The following KCTD16 variants were observed in gnomAD, a reference collection of about 807,000 sequenced individuals.
KCTD16 encodes the protein BTB/POZ domain-containing protein KCTD16.
A neutral mutation model predicts 33.2 loss-of-function variants in KCTD16; 13 were observed. The observed-to-expected ratio is 0.39, with a 90% CI of 0.25 to 0.62. The LOEUF is 0.62. KCTD16 is among the 20% of genes least tolerant of loss of function. The pLI is 0.50. For synonymous variants in KCTD16, 197 were observed against 195.3 expected (o/e 1.01, Z -0.07); for missense variants, 441 against 525.1 (o/e 0.84, Z 1.57).
chr5:144,449,704 C>A (rs1467675621), intron 3 of KCTD16, among the ~76,000 whole-genome samples: 2 of 151,864 alleles, frequency 1.3e-5, no homozygotes, highest in African/African-American at 4.8e-5. Flanking sequence ...GTAAACTAAT[C>A]TTTGAGAAGT....
At chr5:144,357,657 T>C (rs1330929907) in intron 3 of KCTD16, among the ~76,000 whole-genome samples, 8 of 152,124 alleles carry the variant, frequency 5.3e-5, no homozygotes, top group Non-Finnish European at 8.8e-5. Context: ...TCTAAAGAAC[T>C]TCACAGAGGA....
At chr5:144,180,968 T>C (rs935054441) in intron 2 of KCTD16, among the ~76,000 whole-genome samples, 2 of 151,784 alleles carry the variant, frequency 1.3e-5, no homozygotes, top group South Asian at 4.2e-4. Context: ...AGTCTCGCTC[T>C]GTCGCCCAGG....
intron 3 of KCTD16, among the ~76,000 whole-genome samples, chr5:144,218,371 AT>A (rs1753629684): frequency 6.6e-6 from 1 of 152,066 alleles, no homozygotes; most frequent in Non-Finnish European, 1.5e-5. Context: ...TCTTTTTTGC[AT>A]TTTTTGACTT....
chr5:144,182,085 C>CA (rs371259746), intron 2 of KCTD16, among the ~76,000 whole-genome samples: 38,889 of 119,152 alleles, frequency 0.33, 5,733 homozygotes, highest in East Asian at 0.44. Flanking sequence ...AACTCCATCT[C>CA]AAAAAAAAAA....
chr5:144,410,008 G>A (rs1181404712), intron 3 of KCTD16, among the ~76,000 whole-genome samples: 2 of 152,100 alleles, frequency 1.3e-5, no homozygotes, highest in African/African-American at 4.8e-5. Flanking sequence ...TGTTACTCAG[G>A]TGAGGGTGAG....
At chr5:144,458,536 T>C (rs1333883977) in intron 3 of KCTD16, among the ~76,000 whole-genome samples, 3 of 152,184 alleles carry the variant, frequency 2.0e-5, no homozygotes, top group Admixed American at 6.5e-5. Flanking sequence ...TCTTTGGTCC[T>C]GTTGTTTAGA....
At chr5:144,176,693 C>T (rs955693907) in intron 2 of KCTD16, among the ~76,000 whole-genome samples, 1 of 152,110 alleles carries the variant, frequency 6.6e-6, no homozygotes, top group African/African-American at 2.4e-5. Flanking sequence ...TGAGCCACCG[C>T]GCCCGGCCAA....
chr5:144,243,514 A>G (rs940452193), intron 3 of KCTD16, among the ~76,000 whole-genome samples: 1 of 152,038 alleles, frequency 6.6e-6, no homozygotes, highest in Non-Finnish European at 1.5e-5. Flanking sequence ...TCTTTTTGTT[A>G]TCCTTTTTTC....
intron 3 of KCTD16, among the ~76,000 whole-genome samples, chr5:144,299,127 TATATATATATATATATATA>T (rs1561558653): frequency 3.1e-4 from 8 of 26,194 alleles, no homozygotes; most frequent in Admixed American, 4.0e-4. Flanking sequence ...TATATATATA[TATATATATATATATATATA>T]TATTTTTTTT....
chr5:144,252,877 T>A (rs1754740138), intron 3 of KCTD16, among the ~76,000 whole-genome samples: 1 of 151,630 alleles, frequency 6.6e-6, no homozygotes, highest in African/African-American at 2.4e-5. Flanking sequence ...TTGTTTTTTT[T>A]TCTCTCATCT....
rs70995051 is a variant in KCTD16, at chr5:144,459,824, CTTTT to C, written c.833-13814_833-13811del. Among the ~76,000 whole-genome samples, 5 of 66,770 alleles carry C rather than the reference CTTTT, an allele frequency of 7.5e-5. No homozygotes were observed. In the East Asian group the frequency reaches 2.3e-3, roughly 30 times the overall value. 43.8% of individuals were successfully genotyped at this position (66,770 alleles called of 152,430 possible). A position where few individuals can be genotyped will look rare whatever the true frequency, so the allele number is the denominator to read the frequency against. ...CTCCTGTCTCCCTCTCCAATATCATCTTTTTTTTTTTTTTTTTTTTTTTTTGAGA... is the reference window on the plus strand; with the variant it reads ...CTCCTGTCTCCCTCTCCAATATCATCTTTTTTTTTTTTTTTTTTTTTGAGA... On this transcript the variant is annotated intron_variant, in intron 3 of 3. Coordinates refer to ENST00000512467, the MANE Select transcript of KCTD16 (RefSeq NM_020768.4).
intron 3 of KCTD16, among the ~76,000 whole-genome samples, chr5:144,353,402 G>A (rs1196750977): frequency 6.6e-6 from 1 of 152,176 alleles, no homozygotes; most frequent in Admixed American, 6.5e-5. Context: ...TGAACTCTGA[G>A]GTGGCAGAGA....
At chr5:144,436,535 A>C (rs1753582491) in intron 3 of KCTD16, among the ~76,000 whole-genome samples, 1 of 152,078 alleles carries the variant, frequency 6.6e-6, no homozygotes, top group African/African-American at 2.4e-5. Context: ...GCCTGTGTCC[A>C]CATTCCAGTT....
intron 3 of KCTD16, among the ~76,000 whole-genome samples, chr5:144,263,331 CT>C (rs1755061904): frequency 6.6e-6 from 1 of 152,168 alleles, no homozygotes; most frequent in Non-Finnish European, 1.5e-5. Flanking sequence ...ACTAAATTCT[CT>C]GTTTGAGTCT....
chr5:144,238,488 A>C (rs577965953), intron 3 of KCTD16, among the ~76,000 whole-genome samples: 2 of 152,034 alleles, frequency 1.3e-5, no homozygotes, highest in Non-Finnish European at 2.9e-5. Flanking sequence ...TCCTTGGTGG[A>C]AGTGAGAGTT....
chr5:144,383,963 A>T (rs1193008433), intron 3 of KCTD16, among the ~76,000 whole-genome samples: 1 of 152,190 alleles, frequency 6.6e-6, no homozygotes, highest in African/African-American at 2.4e-5. Context: ...TTTGATCAGA[A>T]AAACCACAAC....
intron 3 of KCTD16, among the ~76,000 whole-genome samples, chr5:144,367,196 C>A (rs928117077): frequency 6.6e-6 from 1 of 152,160 alleles, no homozygotes; most frequent in African/African-American, 2.4e-5. Context: ...AATTCCCTAC[C>A]TTGAATTTAG....
intron 3 of KCTD16, among the ~76,000 whole-genome samples, chr5:144,262,692 C>G (rs1344622506): frequency 6.6e-6 from 1 of 152,186 alleles, no homozygotes; most frequent in Non-Finnish European, 1.5e-5. Flanking sequence ...TTCTTTGGAG[C>G]TGATTTGTTA....
intron 3 of KCTD16, among the ~76,000 whole-genome samples, chr5:144,268,566 T>C (rs551495742): frequency 6.6e-6 from 1 of 152,284 alleles, no homozygotes; most frequent in East Asian, 1.9e-4. Context: ...AGAGACTGTC[T>C]ACAGTATTAA....
Sources: gnomAD v4.1 joint callset for allele counts (sites outside exome capture counted in the v4.1 genomes callset) on GRCh38, gnomAD v4.1.1 for gene constraint, MANE v1.5 for transcripts, NCBI Gene and HGNC (gene_info 2026-07-23, HGNC 2026-07-21) for gene names.